Variants in KCTD16 observed in about 807,000 individuals in gnomAD.
KCTD16 encodes BTB/POZ domain-containing protein KCTD16.
KCTD16 carries 13 observed loss-of-function variants against 33.2 expected under a neutral mutation model. The observed-to-expected ratio is 0.39, with a 90% confidence interval of 0.25 to 0.62. The LOEUF (loss-of-function observed/expected upper bound fraction) is 0.62, where lower values mean the gene tolerates loss of function less well. KCTD16 is among the 20% of genes least tolerant of loss of function. KCTD16 has a pLI of 0.50. For missense variants in KCTD16, 441 were observed against 525.1 expected (o/e 0.84, Z 1.57); for synonymous variants, 197 against 195.3 (o/e 1.01, Z -0.07).
chr5:144,442,985 A>C (rs376830849), intron 3 of KCTD16, among the ~76,000 whole-genome samples: 7 of 152,088 alleles, frequency 4.6e-5, no homozygotes, highest in African/African-American at 1.7e-4. Flanking sequence ...CAATATTTTC[A>C]GCCTGTTATG....
At chr5:144,423,802 TA>T (rs1009141005) in intron 3 of KCTD16, among the ~76,000 whole-genome samples, 11 of 152,182 alleles carry the variant, frequency 7.2e-5, no homozygotes, top group African/African-American at 2.2e-4. Context: ...AAAAAAGTAA[TA>T]AATAACCATT....
intron 3 of KCTD16, among the ~76,000 whole-genome samples, chr5:144,362,828 C>T (rs1294200045): frequency 1.3e-5 from 2 of 152,166 alleles, no homozygotes; most frequent in African/African-American, 4.8e-5. Context: ...ATGACTTCAT[C>T]AGCCCAGCCT....
In KCTD16 at chr5:144,471,037, G is replaced by A. The variant is rs114933790; in HGVS notation, c.833-2623G>A. The stretch of plus-strand genomic sequence containing the variant: ...TACTGAACATACCAAAAAATTAGCC[G>A]GACGTGGTGGCAGGTATCTGTAGTC... On this transcript the variant is annotated intron_variant, in intron 3 of 3. Transcript: ENST00000512467. Among the ~76,000 whole-genome samples the A allele has an allele frequency of 1.6e-3, 239 of 152,164 alleles. 2 individuals are homozygous for A. The highest frequency in any genetic ancestry group is 5.4e-3 in the African/African-American group (225 of 41,522).
intron 3 of KCTD16, among the ~76,000 whole-genome samples, chr5:144,307,093 G>A (rs1477579300): frequency 1.3e-5 from 2 of 152,140 alleles, no homozygotes; most frequent in African/African-American, 2.4e-5. Context: ...ATACCTGCAT[G>A]CCAGCTTCAC....
intron 3 of KCTD16, among the ~76,000 whole-genome samples, chr5:144,329,587 A>G (rs372807127): frequency 2.0e-5 from 3 of 152,268 alleles, no homozygotes; most frequent in African/African-American, 7.2e-5. Context: ...AAGCTCTATT[A>G]TGTACCAAAA....
chr5:144,190,415 C>T (rs1752818058), intron 2 of KCTD16, among the ~76,000 whole-genome samples: 1 of 152,190 alleles, frequency 6.6e-6, no homozygotes, highest in Admixed American at 6.5e-5. Context: ...TCTTACGATG[C>T]CTCACTTTCC....
intron 3 of KCTD16, among the ~76,000 whole-genome samples, chr5:144,365,548 A>G (rs1279087338): frequency 6.6e-6 from 1 of 152,212 alleles, no homozygotes; most frequent in Non-Finnish European, 1.5e-5. Context: ...ATGCATCTTC[A>G]GGAACAAAAC....
intron 3 of KCTD16, among the ~76,000 whole-genome samples, chr5:144,364,656 C>G (rs1048431902): frequency 6.6e-6 from 1 of 152,290 alleles, no homozygotes; most frequent in East Asian, 1.9e-4. Context: ...GTTCAGATAA[C>G]CATGTACTGC....
chr5:144,393,786 T>G (rs1400803432), intron 3 of KCTD16, among the ~76,000 whole-genome samples: 1 of 152,104 alleles, frequency 6.6e-6, no homozygotes, highest in East Asian at 1.9e-4. Flanking sequence ...ATTGCCAACT[T>G]TATTTTGTTA....
intron 3 of KCTD16, among the ~76,000 whole-genome samples, chr5:144,311,091 T>G (rs1751754580): frequency 6.6e-6 from 1 of 152,150 alleles, no homozygotes; most frequent in South Asian, 2.1e-4. Context: ...TTGCTTTAGG[T>G]GTGTACAGGC....
intron 3 of KCTD16, among the ~76,000 whole-genome samples, chr5:144,426,154 G>A (rs145334007): frequency 3.8e-4 from 58 of 152,218 alleles, no homozygotes; most frequent in African/African-American, 1.4e-3. Context: ...TCTGTCAGAC[G>A]TCCTAGTTTA....
intron 3 of KCTD16, among the ~76,000 whole-genome samples, chr5:144,319,553 A>T (rs1248563561): frequency 6.6e-6 from 1 of 152,186 alleles, no homozygotes; most frequent in African/African-American, 2.4e-5. Context: ...TGGTTAAACA[A>T]CATGCATTTT....
At chr5:144,288,438 G>A (rs1292896917) in intron 3 of KCTD16, among the ~76,000 whole-genome samples, 2 of 152,140 alleles carry the variant, frequency 1.3e-5, no homozygotes, top group Non-Finnish European at 2.9e-5. Context: ...ACAAATGTAG[G>A]TTAGGATGGC....
At chr5:144,248,598 T>G (rs1227681037) in intron 3 of KCTD16, among the ~76,000 whole-genome samples, 1 of 152,212 alleles carries the variant, frequency 6.6e-6, no homozygotes, top group Non-Finnish European at 1.5e-5. Flanking sequence ...TCGAGAGATG[T>G]GGTTGGGAAC....
At chr5:144,472,263 G>T (rs1461202147) in intron 3 of KCTD16, among the ~76,000 whole-genome samples, 2 of 152,208 alleles carry the variant, frequency 1.3e-5, no homozygotes, top group African/African-American at 4.8e-5. Context: ...GAAGTGCCCA[G>T]CATGTAATAC....
chr5:144,402,435 A>G (rs1293700675), intron 3 of KCTD16, among the ~76,000 whole-genome samples: 2 of 152,118 alleles, frequency 1.3e-5, no homozygotes, highest in East Asian at 1.9e-4. Flanking sequence ...GAGGTCGTCT[A>G]CCTCACTGCA....
intron 3 of KCTD16, among the ~76,000 whole-genome samples, chr5:144,448,227 A>T (rs1469123992): frequency 6.6e-6 from 1 of 152,122 alleles, no homozygotes; most frequent in East Asian, 1.9e-4. Context: ...TCACCCTATT[A>T]TATGAAGGTA....
intron 3 of KCTD16, among the ~76,000 whole-genome samples, chr5:144,459,575 C>T (rs994332056): frequency 6.6e-6 from 1 of 152,066 alleles, no homozygotes; most frequent in Non-Finnish European, 1.5e-5. Context: ...GTCTCAAACT[C>T]CTGACCTCAG....
intron 3 of KCTD16, among the ~76,000 whole-genome samples, chr5:144,370,156 A>G (rs1751933993): frequency 2.0e-5 from 3 of 152,102 alleles, no homozygotes; most frequent in Admixed American, 6.6e-5. Context: ...GGACATTAGA[A>G]TAAGAGTAGA....
Sources: gnomAD v4.1 joint callset for allele counts (sites outside exome capture counted in the v4.1 genomes callset) on GRCh38, gnomAD v4.1.1 for gene constraint, MANE v1.5 for transcripts, NCBI Gene and HGNC (gene_info 2026-07-23, HGNC 2026-07-21) for gene names.